TPO: variants seen among roughly 807,000 people sequenced by gnomAD.
TPO encodes the protein thyroid peroxidase.
In TPO, 78 loss-of-function variants were observed where a neutral mutation model predicts 96.9. The observed-to-expected ratio is 0.81, with a 90% CI of 0.67 to 0.97. The LOEUF is 0.97. TPO is among the 50% of genes least tolerant of loss of function. TPO has a pLI of 0.00. For missense variants in TPO, 1,252 were observed against 1,274.8 expected, an observed-to-expected ratio of 0.98 and a Z score of 0.27; for synonymous variants, 547 against 538.0, an observed-to-expected ratio of 1.02 and a Z score of -0.23.
At chr2:1,422,865 C>T (rs1298651239) in intron 2 of TPO, among the ~76,000 whole-genome samples, 180 bp from the exon 3 acceptor site, 1 of 152,142 alleles carries the variant, frequency 6.6e-6, no homozygotes, top group African/African-American at 2.4e-5. Context: ...GGTGGACGCC[C>T]CTCTGTAGCG....
intron 1 of TPO, among the ~76,000 whole-genome samples, chr2:1,394,368 C>T (rs1490250560): frequency 1.3e-5 from 2 of 152,352 alleles, no homozygotes. Context: ...CATCGGGCTT[C>T]GATGCCGCCT....
chr2:1,542,458 T>TGCCGAGA lies in TPO; in HGVS notation c.2790_2796dup (p.Leu933GlufsTer50), dbSNP rs1680870516. ...ATGGAAGGCCGGGATACTCACAGGC[T>TGCCGAGA]GCCGAGAGCCCTCTGAGGGCAAAGT... On this transcript the variant is annotated frameshift_variant, in exon 17 of 17. Coordinates refer to ENST00000329066, the MANE Select transcript of TPO (RefSeq NM_001206744.2). LOFTEE classifies it high-confidence loss of function. The TGCCGAGA allele has an allele frequency of 1.2e-6, 2 of 1,614,222 alleles. No homozygotes were observed. Among genetic ancestry groups the TGCCGAGA allele is most frequent in the East Asian group, 4.5e-5 (2 of 44,874 alleles).
rs121908082 is a variant in TPO, at chr2:1,487,841, C to T, written c.1618C>T (p.Arg540Ter). Reference protein sequence around the residue: ...LRGGGLDPLIRGLLARPAKLQ... With the variant: ...LRGGGLDPLI ...TCCAGGTGGTTTGGACCCACTAATACGAGGCCTTCTTGCAAGACCAGCCAA... is the reference window on the plus strand; with the variant it reads ...TCCAGGTGGTTTGGACCCACTAATATGAGGCCTTCTTGCAAGACCAGCCAA... Residue 540 changes from arginine (R) to a stop codon, truncating the protein, a stop_gained, in exon 10 of 17, where the codon CGA becomes TGA. Coordinates refer to ENST00000329066, the MANE Select transcript of TPO (RefSeq NM_001206744.2). LOFTEE classifies it high-confidence loss of function. 2.3e-5 allele frequency: 37 copies of T among 1,614,210 alleles called. No individual in the cohort carries two copies. The Middle Eastern group carries it at 4.9e-4, about 22-fold the overall frequency.
intron 15 of TPO, among the ~76,000 whole-genome samples, chr2:1,527,896 A>G (rs1421476128): frequency 3.3e-5 from 3 of 90,606 alleles, no homozygotes; most frequent in African/African-American, 1.4e-4. Flanking sequence ...CACTGCGTGC[A>G]ACCTCCTCAA....
At chr2:1,537,052 CCCCA>C (rs1679879573) in intron 15 of TPO, among the ~76,000 whole-genome samples, 3 of 29,920 alleles carry the variant, frequency 1.0e-4, no homozygotes, top group Non-Finnish European at 1.2e-4. Flanking sequence ...TGTGCAACCT[CCCCA>C]AATCCCTGCC....
intron 2 of TPO, among the ~76,000 whole-genome samples, chr2:1,422,130 C>G (rs1437939589): frequency 6.6e-6 from 1 of 152,234 alleles, no homozygotes; most frequent in Non-Finnish European, 1.5e-5. Flanking sequence ...AGATCCAGCA[C>G]GGAGGTTTTC....
intron 7 of TPO, among the ~76,000 whole-genome samples, chr2:1,474,803 G>A (rs533556304): frequency 1.0e-3 from 157 of 152,212 alleles, no homozygotes; most frequent in African/African-American, 3.7e-3. Context: ...TGCCTCACTC[G>A]GTGCTCTTTC....
chr2:1,530,874 C>T (rs1244025999), intron 15 of TPO, among the ~76,000 whole-genome samples: 3 of 127,026 alleles, frequency 2.4e-5, no homozygotes, highest in Admixed American at 7.9e-5. Context: ...TGTGCAACCT[C>T]CGCAAATCCC....
At chr2:1,481,534 C>A (rs997625781) in intron 8 of TPO, among the ~76,000 whole-genome samples, 8 of 152,170 alleles carry the variant, frequency 5.3e-5, no homozygotes, top group African/African-American at 1.9e-4. Context: ...TAGAACCAGA[C>A]CCCGGAGGGA....
At chr2:1,537,839 TCCCCCCACTGTGTGCAATCTCAAATC>T (rs570971749) in intron 15 of TPO, among the ~76,000 whole-genome samples, 19,243 of 45,758 alleles carry the variant, frequency 0.42, 2,706 homozygotes, top group South Asian at 0.47. Flanking sequence ...CCTCCTCAAA[TCCCCCCACTGTGTGCAATCTCAAATC>T]CCCCCCACTG....
chr2:1,396,701 G>C (rs1662085166), intron 1 of TPO, among the ~76,000 whole-genome samples: 1 of 152,122 alleles, frequency 6.6e-6, no homozygotes. Context: ...ATCAGGTAGG[G>C]AGCATGAGCC....
intron 14 of TPO, chr2:1,512,263 A>G (rs1674226587): frequency 3.0e-6 from 1 of 333,644 alleles, no homozygotes; most frequent in Admixed American, 6.5e-5. Context: ...TGTATTTCCT[A>G]CATCTTAAGG....
chr2:1,397,513 G>A (rs1310052269), intron 1 of TPO, among the ~76,000 whole-genome samples: 1 of 152,190 alleles, frequency 6.6e-6, no homozygotes, highest in Admixed American at 6.5e-5. Flanking sequence ...CTCAAAGTTT[G>A]TAGCTCCAGC....
intron 2 of TPO, among the ~76,000 whole-genome samples, chr2:1,422,329 G>GCGCCTCTCCTGGACAGACCTCGTGCAGC (rs1663700012): frequency 1.2e-4 from 10 of 83,594 alleles, no homozygotes; most frequent in African/African-American, 3.9e-4. Context: ...CCTCGTGCAG[G>GCGCCTCTCCTGGACAGACCTCGTGCAGC]CGCCTCTCCT....
chr2:1,476,368 G>T (rs565234154), intron 7 of TPO, among the ~76,000 whole-genome samples: 1 of 152,258 alleles, frequency 6.6e-6, no homozygotes, highest in East Asian at 1.9e-4. Flanking sequence ...CACAGAGCTC[G>T]ACTCTTCCCA....
At chr2:1,420,789 C>A (rs1395941304) in intron 2 of TPO, among the ~76,000 whole-genome samples, 1 of 152,030 alleles carries the variant, frequency 6.6e-6, no homozygotes, top group Non-Finnish European at 1.5e-5. Context: ...GCTCCTTCTA[C>A]TAAGGCAGTA....
At chr2:1,447,388 G>A (rs952065202) in intron 5 of TPO, among the ~76,000 whole-genome samples, 5 of 152,156 alleles carry the variant, frequency 3.3e-5, no homozygotes, top group Admixed American at 6.5e-5. Flanking sequence ...AGAAGCCCCC[G>A]CTTCCAGATG....
intron 8 of TPO, chr2:1,477,826 G>A: frequency 1.0e-6 from 1 of 985,426 alleles, no homozygotes; most frequent in Non-Finnish European, 1.2e-6. Flanking sequence ...CTGTGCAGGG[G>A]CCGAAGGGTA....
intron 15 of TPO, among the ~76,000 whole-genome samples, chr2:1,524,417 C>G (rs1675939220): frequency 8.3e-6 from 1 of 119,978 alleles, no homozygotes; most frequent in Non-Finnish European, 1.7e-5. Flanking sequence ...CTTTCCCTCC[C>G]ATTGTGTGCA....
Sources: allele counts gnomAD v4.1 joint callset (sites outside exome capture counted in the v4.1 genomes callset), GRCh38; gene constraint gnomAD v4.1.1; transcripts MANE v1.5; gene names NCBI Gene and HGNC (gene_info 2026-07-23, HGNC 2026-07-21).